SMYD3: variants seen among roughly 807,000 people sequenced by gnomAD.
SMYD3 encodes histone-lysine N-methyltransferase SMYD3.
Under a neutral mutation model 57.7 loss-of-function variants are expected in SMYD3, and 36 were observed. That is an observed-to-expected ratio of 0.62 (90% CI 0.48 to 0.82). The LOEUF (loss-of-function observed/expected upper bound fraction) is 0.82, where lower values mean the gene tolerates loss of function less well. Among genes scored for constraint, SMYD3 ranks in the 40% least tolerant of loss-of-function variants. The pLI is 0.00. For synonymous variants in SMYD3, 211 were observed against 195.0 expected (o/e 1.08, Z -0.68); for missense variants, 515 against 538.8 (o/e 0.96, Z 0.44).
chr1:246,237,953 AT>A (rs923440464), intron 5 of SMYD3, among the ~76,000 whole-genome samples: 3 of 152,168 alleles, frequency 2.0e-5, no homozygotes, highest in Admixed American at 6.5e-5. Context: ...TAATACATGC[AT>A]TTTTTTAAGT....
At chr1:246,034,857 C>A (rs564787055) in intron 5 of SMYD3, among the ~76,000 whole-genome samples, 1 of 152,268 alleles carries the variant, frequency 6.6e-6, no homozygotes, top group East Asian at 1.9e-4. Flanking sequence ...GTTCTCCATC[C>A]CCTGCTGCCA....
chr1:246,100,950 T>G (rs894085070), intron 5 of SMYD3, among the ~76,000 whole-genome samples: 2 of 152,134 alleles, frequency 1.3e-5, no homozygotes, highest in African/African-American at 4.8e-5. Context: ...ATTTAACTTA[T>G]GCTGTAGGTC....
chr1:246,118,548 G>A (rs898699818), intron 5 of SMYD3, among the ~76,000 whole-genome samples: 2 of 152,186 alleles, frequency 1.3e-5, no homozygotes, highest in African/African-American at 4.8e-5. Flanking sequence ...TCAGCGATGG[G>A]AAACATTAAA....
chr1:245,931,469 G>T (rs777852047), intron 5 of SMYD3, among the ~76,000 whole-genome samples: 4 of 152,110 alleles, frequency 2.6e-5, no homozygotes, highest in Non-Finnish European at 5.9e-5. Flanking sequence ...AATTTAACAG[G>T]AACAAATTTG....
chr1:246,491,564 A>G (rs1387550103), intron 1 of SMYD3, among the ~76,000 whole-genome samples: 1 of 151,178 alleles, frequency 6.6e-6, no homozygotes, highest in African/African-American at 2.4e-5. Flanking sequence ...AAAAAAAGAG[A>G]GAGAAATAAG....
chr1:245,785,420 C>T (rs1303539634), intron 10 of SMYD3, among the ~76,000 whole-genome samples: 1 of 152,132 alleles, frequency 6.6e-6, no homozygotes, highest in East Asian at 1.9e-4. Context: ...TTATCACTCA[C>T]ATGGAAGGTT....
intron 1 of SMYD3, among the ~76,000 whole-genome samples, chr1:246,402,375 C>A (rs1462395283): frequency 6.6e-6 from 1 of 151,394 alleles, no homozygotes; most frequent in Non-Finnish European, 1.5e-5. Context: ...ATTAACAACG[C>A]CATCTTAAAG....
chr1:246,117,955 A>G (rs1158337451), intron 5 of SMYD3, among the ~76,000 whole-genome samples: 1 of 152,198 alleles, frequency 6.6e-6, no homozygotes, highest in African/African-American at 2.4e-5. Flanking sequence ...CACGATCATC[A>G]CACATAGTAC....
chr1:246,224,258 G>A (rs2063297293), intron 5 of SMYD3, among the ~76,000 whole-genome samples: 1 of 152,050 alleles, frequency 6.6e-6, no homozygotes, highest in Non-Finnish European at 1.5e-5. Context: ...TAGACTGAGT[G>A]GTCAGAGAGG....
intron 10 of SMYD3, among the ~76,000 whole-genome samples, chr1:245,834,666 G>A (rs909227845): frequency 6.6e-6 from 1 of 152,174 alleles, no homozygotes. Flanking sequence ...CAGCCCCAGT[G>A]GAGCAATCTT....
At chr1:246,144,795 A>G (rs897305942) in intron 5 of SMYD3, among the ~76,000 whole-genome samples, 2 of 152,222 alleles carry the variant, frequency 1.3e-5, no homozygotes, top group Non-Finnish European at 2.9e-5. Context: ...GGAAAGAGAT[A>G]AAACACTTGG....
chr1:246,480,474 C>CT (rs2068085773), intron 1 of SMYD3, among the ~76,000 whole-genome samples: 1 of 152,100 alleles, frequency 6.6e-6, no homozygotes, highest in Admixed American at 6.6e-5. Context: ...TAATTATCAA[C>CT]TTTTTTTTAC....
At chr1:245,767,353 A>T (rs2046159560) in intron 10 of SMYD3, among the ~76,000 whole-genome samples, 1 of 152,180 alleles carries the variant, frequency 6.6e-6, no homozygotes, top group Non-Finnish European at 1.5e-5. Context: ...CGGCCCCATA[A>T]GCAATCTGCA....
intron 1 of SMYD3, among the ~76,000 whole-genome samples, chr1:246,433,761 T>C (rs999499371): frequency 3.3e-5 from 5 of 152,164 alleles, no homozygotes; most frequent in African/African-American, 1.2e-4. Flanking sequence ...TTCACAGAAT[T>C]AGAAAAAATT....
chr1:245,807,554 C>T (rs147063964), intron 10 of SMYD3, among the ~76,000 whole-genome samples: 1 of 152,142 alleles, frequency 6.6e-6, no homozygotes, highest in East Asian at 1.9e-4. Context: ...ATTACCGGCA[C>T]ACATTAGTGA....
Position 246,334,301 on chromosome 1 carries a change from A to C in SMYD3, c.336+1066T>G, listed in dbSNP as rs190907408. Among the ~76,000 whole-genome samples, 532 of 152,350 alleles carry C rather than the reference A, an allele frequency of 3.5e-3. 1 individual carries two copies. The highest frequency in any genetic ancestry group is 8.3e-3 in the South Asian group (40 of 4,826). ...GCCATTCACAACAGCAAAGGCATGG[A>C]ATCAATCTAGGTGCCCATTAACAGC... On this transcript the variant is annotated intron_variant, in intron 3 of 11. Transcript: ENST00000490107.
chr1:246,118,812 CTTTTTT>C (rs10623626), intron 5 of SMYD3, among the ~76,000 whole-genome samples: 1 of 139,520 alleles, frequency 7.2e-6, no homozygotes. Flanking sequence ...GAGGCACGTG[CTTTTTT>C]TTTTTTTTTG....
At chr1:246,119,751 A>G (rs1266955058) in intron 5 of SMYD3, among the ~76,000 whole-genome samples, 1 of 152,144 alleles carries the variant, frequency 6.6e-6, no homozygotes, top group African/African-American at 2.4e-5. Flanking sequence ...ATCACCTACC[A>G]GAAGTTCTAA....
Position 246,313,879 on chromosome 1 carries a change from C to T in SMYD3, c.531+13322G>A, listed in dbSNP as rs149194803. On this transcript the variant is annotated intron_variant, in intron 5 of 11. Transcript: ENST00000490107. ...ATAGAATCATAGGGAAAAGCACACCCAATAATGGCTTGAAAATGATAAAGA... is the reference window on the plus strand; with the variant it reads ...ATAGAATCATAGGGAAAAGCACACCTAATAATGGCTTGAAAATGATAAAGA... Among the ~76,000 whole-genome samples the T allele has an allele frequency of 2.0e-5, 3 of 152,112 alleles. No individual in the cohort carries two copies. In the East Asian group the frequency reaches 5.8e-4, roughly 29 times the overall value.
Sources: gnomAD v4.1 joint callset for allele counts (sites outside exome capture counted in the v4.1 genomes callset) on GRCh38, gnomAD v4.1.1 for gene constraint, MANE v1.5 for transcripts, NCBI Gene and HGNC (gene_info 2026-07-23, HGNC 2026-07-21) for gene names.